TPD52L1: variants seen among roughly 807,000 people sequenced by gnomAD.
TPD52L1 encodes the protein TPD52 like 1.
In TPD52L1, 18 loss-of-function variants were observed where a neutral mutation model predicts 28.7. The ratio of observed to expected loss-of-function variants is 0.63; its 90% CI spans 0.43 to 0.93. The LOEUF (loss-of-function observed/expected upper bound fraction) is 0.93. TPD52L1 is among the 40% of genes least tolerant of loss of function. TPD52L1 has a pLI of 0.00. For missense variants in TPD52L1, 203 were observed against 254.8 expected (o/e 0.80, Z 1.39); for synonymous variants, 75 against 88.8 (o/e 0.84, Z 0.88).
At chr6:125,223,101 A>G (rs1389761207) in intron 2 of TPD52L1, among the ~76,000 whole-genome samples, 4 of 152,090 alleles carry the variant, frequency 2.6e-5, no homozygotes, top group Non-Finnish European at 5.9e-5. Flanking sequence ...TTAACTCTTA[A>G]ACTGGATTCT....
chr6:125,159,686 T>A (rs1362060708), intron 1 of TPD52L1, among the ~76,000 whole-genome samples: 4 of 152,206 alleles, frequency 2.6e-5, no homozygotes, highest in Admixed American at 2.6e-4. Context: ...GCAGCTGTTT[T>A]CTTATGAGAT....
intron 1 of TPD52L1, among the ~76,000 whole-genome samples, chr6:125,190,021 G>T (rs1438186984): frequency 2.6e-5 from 4 of 151,998 alleles, no homozygotes; most frequent in Admixed American, 2.6e-4. Flanking sequence ...TACCAACATT[G>T]GGGTGTCGGT....
intron 1 of TPD52L1, among the ~76,000 whole-genome samples, chr6:125,207,109 T>G (rs556216020): frequency 1.3e-5 from 2 of 152,166 alleles, no homozygotes; most frequent in African/African-American, 2.4e-5. Flanking sequence ...TCAAGTCCTA[T>G]CAGAAAGAGT....
rs185752697 is a variant in TPD52L1 at position 125,238,570 on chromosome 6, G to A, written c.284+9304G>A. On this transcript the variant is annotated intron_variant, in intron 3 of 6. Transcript: ENST00000534000. The stretch of plus-strand genomic sequence containing the variant: ...CGTTCTTATGCCTTTGCATCCTCAC[G>A]GCTTAGTTCCCACTTAGAAATGAGA... 5.3e-5 allele frequency among the ~76,000 whole-genome samples: 8 copies of A among 151,352 alleles called. No individual in the cohort carries two copies. The East Asian group carries it at 1.4e-3, about 26-fold the overall frequency.
chr6:125,211,042 T>C (rs1340950204), intron 1 of TPD52L1, among the ~76,000 whole-genome samples: 1 of 152,194 alleles, frequency 6.6e-6, no homozygotes, highest in Non-Finnish European at 1.5e-5. Flanking sequence ...CCATGAGTCA[T>C]TAGTCAGGTA....
At chr6:125,177,365 C>G (rs957635307) in intron 1 of TPD52L1, among the ~76,000 whole-genome samples, 3 of 152,140 alleles carry the variant, frequency 2.0e-5, no homozygotes. Flanking sequence ...GGAAGTCATC[C>G]TCCTTTTTTT....
chr6:125,209,056 C>A, intron 1 of TPD52L1: 2 of 653,708 alleles, frequency 3.1e-6, no homozygotes, highest in Non-Finnish European at 3.8e-6. Flanking sequence ...TTCCCATACA[C>A]AGCCTTGATC....
intron 1 of TPD52L1, among the ~76,000 whole-genome samples, chr6:125,199,952 T>A (rs1793699713): frequency 6.6e-6 from 1 of 152,246 alleles, no homozygotes; most frequent in African/African-American, 2.4e-5. Context: ...ATCACCTCAT[T>A]GCCTAGACTG....
chr6:125,192,217 C>T (rs1793093542), intron 1 of TPD52L1, among the ~76,000 whole-genome samples: 1 of 152,080 alleles, frequency 6.6e-6, no homozygotes, highest in South Asian at 2.1e-4. Context: ...ACCCACTCTG[C>T]TTTTAATGCC....
intron 3 of TPD52L1, among the ~76,000 whole-genome samples, chr6:125,243,663 T>C (rs748492994): frequency 1.3e-5 from 2 of 152,238 alleles, no homozygotes; most frequent in South Asian, 2.1e-4. Context: ...TTTTTCCTTA[T>C]GATATATATT....
chr6:125,172,155 T>TC (rs1352561844), intron 1 of TPD52L1, among the ~76,000 whole-genome samples: 24 of 49,856 alleles, frequency 4.8e-4, no homozygotes, highest in African/African-American at 2.0e-3. Context: ...TTTCTTTCTT[T>TC]CTTTTCTTTC....
At chr6:125,154,045 T>G in intron 1 of TPD52L1, 75 bp downstream of exon 1, 2 of 1,544,506 alleles carry the variant, frequency 1.3e-6, no homozygotes, top group Non-Finnish European at 1.7e-6. Context: ...ACCACCTAAC[T>G]TCGCTCTCGG....
At chr6:125,253,612 A>G (rs975026449) in intron 4 of TPD52L1, 105 bp from the exon 5 acceptor site, 14 of 1,021,812 alleles carry the variant, frequency 1.4e-5, no homozygotes, top group Non-Finnish European at 1.2e-5. Context: ...TATTTCAGAT[A>G]TTTGGAATTG....
chr6:125,231,913 T>C (rs538444128), intron 3 of TPD52L1, among the ~76,000 whole-genome samples: 36 of 152,232 alleles, frequency 2.4e-4, no homozygotes, highest in East Asian at 3.9e-4. Flanking sequence ...AAGTTAATGT[T>C]CGTAAAGGCT....
Position 125,260,965 on chromosome 6 carries a change from AAAG to A in TPD52L1, c.487-1866_487-1864del, listed in dbSNP as rs1562409595. Reference sequence around the variant, plus strand: ...GAAAGAAAGAAAGAAAGAAAGAAAGAAAGAAAGAAAGAAAAGAAAAGAAAGAAA... The same window carrying A: ...GAAAGAAAGAAAGAAAGAAAGAAAGAAAAGAAAGAAAAGAAAAGAAAGAAA... On this transcript the variant is annotated intron_variant, in intron 6 of 6. Transcript: ENST00000534000. 6 of 43,176 alleles carry A rather than the reference AAAG, an allele frequency of 1.4e-4. 1 individual carries two copies. The highest frequency in any genetic ancestry group is 9.2e-4 in the South Asian group (1 of 1,082). The allele number at this position is 43,176 out of a possible 1,614,324, so 2.7% of individuals were successfully genotyped here.
At chr6:125,234,355 TC>T (rs1796129995) in intron 3 of TPD52L1, 1 of 152,242 alleles carries the variant, frequency 6.6e-6, no homozygotes, top group Non-Finnish European at 1.5e-5. Context: ...CCTGAAAGCT[TC>T]AGTTGTTCTC....
intron 1 of TPD52L1, among the ~76,000 whole-genome samples, chr6:125,204,183 A>G (rs141518652): frequency 5.6e-4 from 86 of 152,298 alleles, no homozygotes; most frequent in African/African-American, 2.0e-3. Context: ...TTCCTGAGAA[A>G]GTGTGGCTTT....
chr6:125,260,962 AAGAAAGAAAGAAAGAAAAGAAAAGAAAG>A, intron 6 of TPD52L1: 1 of 41,882 alleles, frequency 2.4e-5, no homozygotes, highest in African/African-American at 2.4e-4. Flanking sequence ...GAAAGAAAGA[AAGAAAGAAAGAAAGAAAAGAAAAGAAAG>A]AAAGAAAGAA....
chr6:125,186,012 G>A (rs1264449744), intron 1 of TPD52L1, among the ~76,000 whole-genome samples: 1 of 150,260 alleles, frequency 6.7e-6, no homozygotes, highest in Non-Finnish European at 1.5e-5. Flanking sequence ...TTCTGCCTCA[G>A]CCTCCTGAGT....
Sources: gnomAD v4.1 joint callset for allele counts (sites outside exome capture counted in the v4.1 genomes callset) on GRCh38, gnomAD v4.1.1 for gene constraint, MANE v1.5 for transcripts, NCBI Gene and HGNC (gene_info 2026-07-23, HGNC 2026-07-21) for gene names.